Variants in LSAMP observed in about 807,000 individuals in gnomAD.
LSAMP encodes limbic system associated membrane protein.
LSAMP carries 7 observed loss-of-function variants against 38.6 expected under a neutral mutation model. The ratio of observed to expected loss-of-function variants is 0.18; its 90% confidence interval spans 0.10 to 0.34. The LOEUF (loss-of-function observed/expected upper bound fraction) is 0.34. Among genes scored for constraint, LSAMP ranks in the 10% least tolerant of loss-of-function variants. LSAMP has a pLI of 1.00. For synonymous variants in LSAMP, 154 were observed against 166.8 expected (o/e 0.92, Z 0.59); for missense variants, 313 against 420.0 (o/e 0.75, Z 2.23).
chr3:116,346,474 G>A (rs1443747679), intron 1 of LSAMP, among the ~76,000 whole-genome samples: 1 of 151,796 alleles, frequency 6.6e-6, no homozygotes, highest in Non-Finnish European at 1.5e-5. Flanking sequence ...GACCACAGAC[G>A]TGCACCACCA....
intron 1 of LSAMP, among the ~76,000 whole-genome samples, chr3:116,353,559 A>C (rs2048178933): frequency 6.6e-6 from 1 of 152,094 alleles, no homozygotes; most frequent in South Asian, 2.1e-4. Context: ...GTACGTGCAG[A>C]GTACACTCCA....
At chr3:115,901,021 C>T (rs938791583) in intron 3 of LSAMP, among the ~76,000 whole-genome samples, 2 of 152,166 alleles carry the variant, frequency 1.3e-5, no homozygotes, top group Non-Finnish European at 2.9e-5. Context: ...TCTCCCTGCC[C>T]TTCCTATATT....
At chr3:115,848,350 G>A (rs1320893608) in intron 4 of LSAMP, among the ~76,000 whole-genome samples, 2 of 152,198 alleles carry the variant, frequency 1.3e-5, no homozygotes, top group Non-Finnish European at 2.9e-5. Flanking sequence ...CTTGAACCCA[G>A]GAGGCAGACG....
intron 3 of LSAMP, among the ~76,000 whole-genome samples, chr3:115,979,649 G>C (rs1015296392): frequency 6.6e-6 from 1 of 151,996 alleles, no homozygotes; most frequent in African/African-American, 2.4e-5. Flanking sequence ...GAACTTCCAA[G>C]GGAGATTGAG....
chr3:115,911,440 CT>C (rs1297542261), intron 3 of LSAMP, among the ~76,000 whole-genome samples: 1 of 152,196 alleles, frequency 6.6e-6, no homozygotes, highest in Non-Finnish European at 1.5e-5. Flanking sequence ...TCACTGCAGC[CT>C]CGACCTCCTG....
chr3:116,373,217 GTA>G (rs149436349), intron 1 of LSAMP, among the ~76,000 whole-genome samples: 38 of 147,958 alleles, frequency 2.6e-4, no homozygotes, highest in East Asian at 3.9e-4. Flanking sequence ...TTATATATAT[GTA>G]TATATATATA....
In LSAMP at chr3:115,876,946, C is replaced by G. The variant is rs182378821; in HGVS notation, c.515-24329G>C. Among the ~76,000 whole-genome samples, 35 of 152,272 alleles carry G rather than the reference C, an allele frequency of 2.3e-4. 1 individual carries two copies. The highest frequency in any genetic ancestry group is 7.2e-4 in the Admixed American group (11 of 15,288). On this transcript the variant is annotated intron_variant, in intron 3 of 6. Coordinates refer to ENST00000490035, the MANE Select transcript of LSAMP (RefSeq NM_002338.5). ...GAACTGTCCACACTCTCTCCCCTCC[C>G]TAACTCGCCCCTTCCATTTTGGAAG...
intron 2 of LSAMP, among the ~76,000 whole-genome samples, chr3:116,042,901 A>G (rs917535930): frequency 3.3e-5 from 5 of 152,310 alleles, no homozygotes; most frequent in African/African-American, 1.2e-4. Flanking sequence ...CCTATTCTAG[A>G]AACTCCAGGA....
At chr3:116,034,713 T>C (rs1226824747) in intron 2 of LSAMP, among the ~76,000 whole-genome samples, 1 of 152,152 alleles carries the variant, frequency 6.6e-6, no homozygotes, top group Non-Finnish European at 1.5e-5. Flanking sequence ...GATGGTAAAA[T>C]ACCCCAAGTG....
At chr3:116,444,715 ACACACACACACACAC>A (rs1481585165) in intron 1 of LSAMP, among the ~76,000 whole-genome samples, 147 bp downstream of exon 1, 7 of 147,584 alleles carry the variant, frequency 4.7e-5, no homozygotes, top group South Asian at 2.1e-4. Context: ...TAAAACAGGG[ACACACACACACACAC>A]CACACACACA....
At chr3:116,033,226 C>G (rs1405966155) in intron 2 of LSAMP, among the ~76,000 whole-genome samples, 3 of 152,106 alleles carry the variant, frequency 2.0e-5, no homozygotes, top group Non-Finnish European at 4.4e-5. Flanking sequence ...CTCCTCTCTC[C>G]CTTCTCTTTT....
chr3:116,063,360 C>T (rs143249434), intron 2 of LSAMP, among the ~76,000 whole-genome samples: 77 of 152,196 alleles, frequency 5.1e-4, no homozygotes, highest in Non-Finnish European at 9.0e-4. Context: ...CCAGCCTAAG[C>T]CTTTTGTTAC....
chr3:116,185,307 G>T (rs1393929067), intron 1 of LSAMP, among the ~76,000 whole-genome samples: 1 of 151,660 alleles, frequency 6.6e-6, no homozygotes. Context: ...TCCCCAATGT[G>T]GGTATTCATA....
At chr3:116,299,985 G>A (rs1383586479) in intron 1 of LSAMP, among the ~76,000 whole-genome samples, 2 of 152,138 alleles carry the variant, frequency 1.3e-5, no homozygotes, top group African/African-American at 4.8e-5. Context: ...TAGGGAAACT[G>A]TCTCTAATAA....
intron 6 of LSAMP, among the ~76,000 whole-genome samples, chr3:115,817,897 G>A (rs960146685): frequency 4.6e-5 from 7 of 152,242 alleles, no homozygotes; most frequent in Admixed American, 3.3e-4. Flanking sequence ...TTTAAGTTGT[G>A]TATTAAACAT....
intron 1 of LSAMP, among the ~76,000 whole-genome samples, chr3:116,430,935 CCTTT>C (rs748418289): frequency 7.6e-4 from 116 of 151,776 alleles, no homozygotes; most frequent in Non-Finnish European, 1.4e-3. Context: ...TTTTCATCTT[CCTTT>C]CTTCTTTTTT....
intron 1 of LSAMP, among the ~76,000 whole-genome samples, chr3:116,315,361 C>A (rs146899114): frequency 2.0e-5 from 3 of 152,250 alleles, no homozygotes; most frequent in African/African-American, 7.2e-5. Flanking sequence ...TAGATACCCT[C>A]TTAAATTGAG....
At chr3:116,432,545 T>C (rs1328728422) in intron 1 of LSAMP, among the ~76,000 whole-genome samples, 1 of 151,826 alleles carries the variant, frequency 6.6e-6, no homozygotes, top group Non-Finnish European at 1.5e-5. Context: ...TTCTATATTA[T>C]GATATTTATA....
chr3:115,982,923 T>C (rs1296627466), intron 3 of LSAMP, among the ~76,000 whole-genome samples: 1 of 132,532 alleles, frequency 7.5e-6, no homozygotes, highest in Non-Finnish European at 1.6e-5. Flanking sequence ...AATCATTGCC[T>C]ATGGAGACTT....
Sources: allele counts gnomAD v4.1 joint callset (sites outside exome capture counted in the v4.1 genomes callset), GRCh38; gene constraint gnomAD v4.1.1; transcripts MANE v1.5; gene names NCBI Gene and HGNC (gene_info 2026-07-23, HGNC 2026-07-21).